CFAP74: variants seen among roughly 807,000 people sequenced by gnomAD.
The protein encoded by CFAP74 is cilia- and flagella-associated protein 74.
A neutral mutation model predicts 188.9 loss-of-function variants in CFAP74; 124 were observed. The observed-to-expected ratio is 0.66, with a 90% confidence interval of 0.57 to 0.76. The LOEUF (loss-of-function observed/expected upper bound fraction) is 0.76, where lower values mean the gene tolerates loss of function less well. Among genes scored for constraint, CFAP74 ranks in the 30% least tolerant of loss-of-function variants. The pLI is 0.00. For missense variants in CFAP74, 2,198 were observed against 2,165.2 expected, an observed-to-expected ratio of 1.02 and a Z score of -0.30; for synonymous variants, 956 against 916.7, an observed-to-expected ratio of 1.04 and a Z score of -0.77.
intron 16 of CFAP74, among the ~76,000 whole-genome samples, chr1:1,958,430 C>T (rs998822171): frequency 7.2e-5 from 11 of 152,232 alleles, no homozygotes; most frequent in African/African-American, 2.4e-4. Context: ...CTCTGGAGTC[C>T]AGCCTGGACG....
At chr1:1,930,442 C>T (rs1652285523) in intron 25 of CFAP74, 106 bp from the exon 26 acceptor site, 1 of 1,131,926 alleles carries the variant, frequency 8.8e-7, no homozygotes, top group Non-Finnish European at 1.2e-6. Context: ...GGGGGGCTCA[C>T]AGGGACATGC....
At chr1:1,963,294 T>C (rs1174082750) in intron 14 of CFAP74, among the ~76,000 whole-genome samples, 1 of 151,120 alleles carries the variant, frequency 6.6e-6, no homozygotes, top group Non-Finnish European at 1.5e-5. Flanking sequence ...CTACTAAAAA[T>C]ATAAAAATTA....
intron 16 of CFAP74, among the ~76,000 whole-genome samples, chr1:1,958,463 C>T (rs921298259): frequency 1.3e-5 from 2 of 152,262 alleles, no homozygotes; most frequent in African/African-American, 4.8e-5. Context: ...GAGGGCTTCA[C>T]ACTCGCGGCT....
chr1:1,940,492 C>T (rs1653292818), intron 22 of CFAP74, 89 bp from the exon 23 acceptor site: 1 of 880,996 alleles, frequency 1.1e-6, no homozygotes, highest in Admixed American at 2.8e-5. Context: ...CTTCTACATC[C>T]CGTGAGAGCT....
At chr1:1,969,696 G>A (rs1335460858) in intron 10 of CFAP74, among the ~76,000 whole-genome samples, 1 of 152,230 alleles carries the variant, frequency 6.6e-6, no homozygotes, top group Admixed American at 6.5e-5. Context: ...TGGAGCTGCT[G>A]CCAGGACCCC....
rs1343248561 is a variant in CFAP74, at chr1:1,974,065, C to T, written c.634G>A (p.Ala212Thr). The T allele has an allele frequency of 1.2e-6, 2 of 1,602,278 alleles. No homozygotes were observed. The highest frequency in any genetic ancestry group is 2.3e-5 in the East Asian group (1 of 44,218). The change falls in exon 7 of 39, where the codon GCC (alanine) becomes ACC (threonine). Residue 212 changes from alanine (A) to threonine (T), a missense_variant. Ala to Thr is a moderately conservative substitution (Grantham distance 58, BLOSUM62 0). Transcript: ENST00000682832. ...AAEQLCREQEALGKVERNRLL... is the reference protein window; with the variant it reads ...AAEQLCREQETLGKVERNRLL... Reference sequence around the variant, plus strand: ...CGGTTCCGCTCCACCTTCCCCAGGGCCTCCTGCTCTCTGCAGAGCTGCTCG... The same window carrying T: ...CGGTTCCGCTCCACCTTCCCCAGGGTCTCCTGCTCTCTGCAGAGCTGCTCG...
intron 25 of CFAP74, among the ~76,000 whole-genome samples, chr1:1,933,389 A>G (rs1652576737): frequency 6.7e-6 from 1 of 149,776 alleles, no homozygotes; most frequent in Non-Finnish European, 1.5e-5. Context: ...CATGTTGGCC[A>G]GGCTGGTCTC....
In CFAP74 at chr1:1,955,187, T is replaced by G. The variant is rs1654498973; in HGVS notation, c.2176+504A>C. On this transcript the variant is annotated intron_variant, in intron 18 of 38. Coordinates refer to ENST00000682832, the MANE Select transcript of CFAP74 (RefSeq NM_001304360.2). ...CAGGAGGAGGACGGAGGTTTCTGGATCTCGATGCGTATGTGGGAAAACGAT... is the reference window on the plus strand; with the variant it reads ...CAGGAGGAGGACGGAGGTTTCTGGAGCTCGATGCGTATGTGGGAAAACGAT... 3 of 1,286,800 alleles carry G rather than the reference T, an allele frequency of 2.3e-6. No individual in the cohort carries two copies. In the African/African-American group the frequency reaches 4.6e-5, roughly 20 times the overall value. The allele number at this position is 1,286,800 out of a possible 1,614,324, so 79.7% of individuals were successfully genotyped here.
intron 25 of CFAP74, among the ~76,000 whole-genome samples, chr1:1,932,406 AAAAAAG>A (rs1652486097): frequency 6.6e-6 from 1 of 151,634 alleles, no homozygotes; most frequent in Non-Finnish European, 1.5e-5. Flanking sequence ...CAAAAAAAAA[AAAAAAG>A]AAAAGAAAAA....
chr1:1,969,219 AGCCCT>A (rs1187402950), intron 10 of CFAP74, among the ~76,000 whole-genome samples: 111 of 26,768 alleles, frequency 4.1e-3, no homozygotes, highest in Admixed American at 0.021. Flanking sequence ...AGCCCTGCCC[AGCCCT>A]GCCCTGCCCA....
At chr1:1,981,650 GGACA>G (rs774149784) in intron 6 of CFAP74, among the ~76,000 whole-genome samples, 1 of 74,808 alleles carries the variant, frequency 1.3e-5, no homozygotes, top group Non-Finnish European at 2.7e-5. Flanking sequence ...ACACAGCCGC[GGACA>G]GACACAGGGG....
chr1:1,991,811 G>A (rs189377642), intron 1 of CFAP74, among the ~76,000 whole-genome samples: 130 of 152,102 alleles, frequency 8.5e-4, no homozygotes, highest in African/African-American at 3.0e-3. Context: ...AGGCCAAGGT[G>A]GGCGGATCAC....
chr1:1,986,348 C>T (rs964334614), intron 5 of CFAP74, among the ~76,000 whole-genome samples: 11 of 152,226 alleles, frequency 7.2e-5, no homozygotes, highest in African/African-American at 2.7e-4. Flanking sequence ...AGCCCCTCAC[C>T]CCCCAGGGCC....
chr1:1,981,851 C>G (rs1570971013), intron 6 of CFAP74, among the ~76,000 whole-genome samples: 1 of 132,786 alleles, frequency 7.5e-6, no homozygotes, highest in African/African-American at 3.2e-5. Flanking sequence ...ACGCAGGACA[C>G]CCAGCCGCGG....
At chr1:1,943,433 C>T (rs539201600) in intron 21 of CFAP74, among the ~76,000 whole-genome samples, 3 of 152,242 alleles carry the variant, frequency 2.0e-5, no homozygotes, top group Admixed American at 6.5e-5. Context: ...CCCAGGTCAC[C>T]GGGGAGAGGT....
intron 18 of CFAP74, among the ~76,000 whole-genome samples, chr1:1,949,098 TTTCC>T (rs1449854667): frequency 9.4e-6 from 1 of 105,890 alleles, no homozygotes; most frequent in Non-Finnish European, 1.9e-5. Context: ...CCCTCCCTCC[TTTCC>T]TTCCTTCCTT....
intron 2 of CFAP74, among the ~76,000 whole-genome samples, chr1:1,990,232 G>C (rs1323954426): frequency 1.3e-5 from 2 of 152,184 alleles, no homozygotes; most frequent in East Asian, 1.9e-4. Flanking sequence ...TCAGACAAAA[G>C]AGGCTGAAGG....
intron 6 of CFAP74, among the ~76,000 whole-genome samples, chr1:1,976,604 A>G (rs1326041308): frequency 1.3e-5 from 2 of 152,182 alleles, no homozygotes; most frequent in Admixed American, 1.3e-4. Context: ...GTGCAGCGGC[A>G]TGATTTCAGC....
chr1:1,930,461 GC>G, intron 25 of CFAP74, 125 bp from the exon 26 acceptor site: 4 of 918,374 alleles, frequency 4.4e-6, no homozygotes, highest in Non-Finnish European at 4.7e-6. Context: ...GCACGTTCCT[GC>G]TGCCCAGGGG....
Sources: allele counts gnomAD v4.1 joint callset (sites outside exome capture counted in the v4.1 genomes callset), GRCh38; gene constraint gnomAD v4.1.1; transcripts MANE v1.5; gene names NCBI Gene and HGNC (gene_info 2026-07-23, HGNC 2026-07-21).